The following KAZN variants were observed in gnomAD, a reference collection of about 807,000 sequenced individuals.
KAZN encodes the protein kazrin, periplakin interacting protein.
In KAZN, 40 loss-of-function variants were observed where a neutral mutation model predicts 87.4. The ratio of observed to expected loss-of-function variants is 0.46; its 90% CI spans 0.36 to 0.60. The LOEUF is 0.60. Ranked by LOEUF, KAZN falls within the 20% of genes least tolerant of loss-of-function variation. The probability of loss-of-function intolerance (pLI) is 0.00; values close to 1 mark genes in which losing one functional copy is unlikely to be tolerated. For missense variants in KAZN, 898 were observed against 1,073.9 expected (o/e 0.84, Z 2.29); for synonymous variants, 466 against 458.3 (o/e 1.02, Z -0.22).
At chr1:14,651,925 C>G (rs1638405171) in intron 1 of KAZN, among the ~76,000 whole-genome samples, 1 of 152,166 alleles carries the variant, frequency 6.6e-6, no homozygotes, top group South Asian at 2.1e-4. Context: ...CCCACACAAT[C>G]CTTTTGGGAT....
intron 2 of KAZN, among the ~76,000 whole-genome samples, chr1:14,430,007 C>T (rs1355203812): frequency 3.3e-5 from 5 of 152,062 alleles, no homozygotes; most frequent in African/African-American, 1.2e-4. Flanking sequence ...GCCACACTGG[C>T]TTGGCTGTTC....
intron 2 of KAZN, among the ~76,000 whole-genome samples, chr1:14,271,491 G>A (rs988878301): frequency 2.6e-5 from 4 of 152,154 alleles, no homozygotes; most frequent in African/African-American, 4.8e-5. Flanking sequence ...TCTGAGGCAG[G>A]AACAGAAATC....
intron 2 of KAZN, among the ~76,000 whole-genome samples, chr1:14,514,038 A>G (rs1301416868): frequency 6.6e-6 from 1 of 151,394 alleles, no homozygotes; most frequent in African/African-American, 2.4e-5. Context: ...AATATTTTTT[A>G]GGCCGGGCGT....
intron 2 of KAZN, among the ~76,000 whole-genome samples, chr1:14,437,924 A>G (rs933207568): frequency 6.6e-6 from 1 of 152,112 alleles, no homozygotes; most frequent in African/African-American, 2.4e-5. Flanking sequence ...AGATGGGATG[A>G]CATGTTCCCT....
intron 1 of KAZN, among the ~76,000 whole-genome samples, chr1:14,720,348 A>T (rs1252324049): frequency 6.6e-6 from 1 of 152,162 alleles, no homozygotes; most frequent in East Asian, 1.9e-4. Flanking sequence ...CAAGATCCCA[A>T]ATACCTCCAA....
At chr1:14,236,247 G>A (rs1648411112) in intron 2 of KAZN, among the ~76,000 whole-genome samples, 2 of 152,232 alleles carry the variant, frequency 1.3e-5, no homozygotes, top group East Asian at 1.9e-4. Context: ...GCCTTCATCT[G>A]GTTTTATCTG....
At position 14,337,775 on chromosome 1, in the gene KAZN, T is replaced by C. The variant is rs1571333695; in HGVS notation, c.249+157183T>C. ...TGGGCGTGGTGGCGCGCATCTGTAATCCCAGCTACTTGGGAGCCTGAGGCA... is the reference window on the plus strand; with the variant it reads ...TGGGCGTGGTGGCGCGCATCTGTAACCCCAGCTACTTGGGAGCCTGAGGCA... On this transcript the variant is annotated intron_variant, in intron 2 of 16. Coordinates refer to the KAZN transcript ENST00000636203. 2.0e-5 allele frequency among the ~76,000 whole-genome samples: 3 copies of C among 151,752 alleles called. No individual in the cohort carries two copies. The East Asian group carries it at 5.9e-4, about 30-fold the overall frequency.
At chr1:13,911,612 C>T (rs1639654304) in intron 1 of KAZN, among the ~76,000 whole-genome samples, 1 of 152,194 alleles carries the variant, frequency 6.6e-6, no homozygotes, top group Non-Finnish European at 1.5e-5. Flanking sequence ...TGAAGGAAGA[C>T]ATCACGTCCT....
At chr1:14,290,069 T>C (rs1653560514) in intron 2 of KAZN, among the ~76,000 whole-genome samples, 1 of 152,222 alleles carries the variant, frequency 6.6e-6, no homozygotes, top group African/African-American at 2.4e-5. Flanking sequence ...TGGGCTTCCC[T>C]TTGTGGGTAA....
intron 1 of KAZN, among the ~76,000 whole-genome samples, chr1:14,951,955 T>C (rs750696521): frequency 2.0e-5 from 3 of 152,188 alleles, no homozygotes; most frequent in Non-Finnish European, 4.4e-5. Context: ...GACCAGTGCA[T>C]GGCAGGGCGG....
At chr1:15,057,197 ATTCAG>A (rs1638367887) in intron 5 of KAZN, among the ~76,000 whole-genome samples, 4 of 152,244 alleles carry the variant, frequency 2.6e-5, no homozygotes, top group Admixed American at 6.5e-5. Context: ...TAGGCCCTGG[ATTCAG>A]ACTGCTGGGT....
At chr1:14,089,504 A>T (rs572234407) in intron 1 of KAZN, among the ~76,000 whole-genome samples, 4 of 152,270 alleles carry the variant, frequency 2.6e-5, no homozygotes, top group Non-Finnish European at 5.9e-5. Context: ...TTTTTAACTT[A>T]TCACAGTGTC....
rs556939454 is a variant in KAZN at position 14,636,508 on chromosome 1, A to G, written c.226+37285A>G. Among the ~76,000 whole-genome samples, 9 of 152,308 alleles carry G rather than the reference A, an allele frequency of 5.9e-5. No homozygotes were observed. The South Asian group carries it at 1.5e-3, about 25-fold the overall frequency. On this transcript the variant is annotated intron_variant, in intron 1 of 14. Coordinates refer to ENST00000376030, the MANE Select transcript of KAZN (RefSeq NM_201628.3). ...CGCTTAAAACTGTGTTAATTATGAC[A>G]GTGACAGCAGCGGCTGACACGGAAC...
chr1:14,670,438 C>G (rs781617426), intron 1 of KAZN, among the ~76,000 whole-genome samples: 1 of 152,170 alleles, frequency 6.6e-6, no homozygotes, highest in African/African-American at 2.4e-5. Flanking sequence ...GTTCCTAACA[C>G]GTACCTAGGT....
At position 14,528,748 on chromosome 1, in the gene KAZN, CAAAAAAAAAAAAAA is replaced by C. The variant is rs36033087; in HGVS notation, c.250-70225_250-70212del. Among the ~76,000 whole-genome samples the C allele has an allele frequency of 3.7e-4, 25 of 66,952 alleles. No homozygotes were observed. In the South Asian group the frequency reaches 0.013, roughly 35 times the overall value. The allele number at this position is 66,952 out of a possible 152,430, so 43.9% of individuals were successfully genotyped here. A position where few individuals can be genotyped will look rare whatever the true frequency, so the allele number is the denominator to read the frequency against. On this transcript the variant is annotated intron_variant, in intron 2 of 16. Coordinates refer to the KAZN transcript ENST00000636203. ...TGAGTGACAGAGCGAGACCCTGTCT[CAAAAAAAAAAAAAA>C]AAAAAAAAATAGACAGCTCTCCTCA...
At chr1:14,898,185 C>T (rs1374097537) in intron 1 of KAZN, among the ~76,000 whole-genome samples, 2 of 152,150 alleles carry the variant, frequency 1.3e-5, no homozygotes, top group African/African-American at 4.8e-5. Flanking sequence ...GTTCCTTCCA[C>T]CCACGCACAT....
At chr1:13,973,203 T>C (rs1326781998) in intron 1 of KAZN, among the ~76,000 whole-genome samples, 2 of 152,206 alleles carry the variant, frequency 1.3e-5, no homozygotes, top group Admixed American at 6.5e-5. Flanking sequence ...TCCCTTGACA[T>C]GTATCATCTC....
chr1:14,389,782 G>A (rs75158835), intron 2 of KAZN, among the ~76,000 whole-genome samples: 1 of 152,194 alleles, frequency 6.6e-6, no homozygotes, highest in East Asian at 1.9e-4. Context: ...TAGAAAGGGT[G>A]AGTAAGATCT....
At position 14,259,228 on chromosome 1, in the gene KAZN, C is replaced by T. The variant is rs114685761; in HGVS notation, c.249+78636C>T. 1.6e-3 allele frequency among the ~76,000 whole-genome samples: 246 copies of T among 152,158 alleles called. 1 individual carries two copies. Among genetic ancestry groups the T allele is most frequent in the Middle Eastern group, 3.4e-3 (1 of 294 alleles). ...GGATTCAGAGAGTATGCTGGGAGCACGTGTGCAACTCCACTGGGACAGTTT... is the reference window on the plus strand; with the variant it reads ...GGATTCAGAGAGTATGCTGGGAGCATGTGTGCAACTCCACTGGGACAGTTT... On this transcript the variant is annotated intron_variant, in intron 2 of 16. Transcript: ENST00000636203.
Sources: allele counts gnomAD v4.1 joint callset (sites outside exome capture counted in the v4.1 genomes callset), GRCh38; gene constraint gnomAD v4.1.1; transcripts MANE v1.5; gene names NCBI Gene and HGNC (gene_info 2026-07-23, HGNC 2026-07-21).